The following NKAIN2 variants were observed in gnomAD, a reference collection of about 807,000 sequenced individuals.
NKAIN2 encodes the protein sodium/potassium-transporting ATPase subunit beta-1-interacting protein 2.
NKAIN2 carries 14 observed loss-of-function variants against 32.6 expected under a neutral mutation model. The ratio of observed to expected loss-of-function variants is 0.43; its 90% CI spans 0.28 to 0.67. NKAIN2 has a LOEUF of 0.67. NKAIN2 is among the 30% of genes least tolerant of loss of function. The pLI is 0.17. For missense variants in NKAIN2, 198 were observed against 258.3 expected, an observed-to-expected ratio of 0.77 and a Z score of 1.60; for synonymous variants, 80 against 87.2, an observed-to-expected ratio of 0.92 and a Z score of 0.46.
chr6:124,633,638 T>G (rs1346310476), intron 3 of NKAIN2, among the ~76,000 whole-genome samples: 3 of 152,238 alleles, frequency 2.0e-5, no homozygotes, highest in Admixed American at 6.5e-5. Context: ...TAAAACTTTA[T>G]TAGCATCTCT....
intron 1 of NKAIN2, among the ~76,000 whole-genome samples, chr6:124,174,286 C>T (rs1340769378): frequency 6.6e-6 from 1 of 152,070 alleles, no homozygotes; most frequent in Non-Finnish European, 1.5e-5. Context: ...AGAAGTTGTT[C>T]ATTCAAACTT....
At chr6:124,354,848 A>G (rs1253577775) in intron 2 of NKAIN2, among the ~76,000 whole-genome samples, 2 of 151,314 alleles carry the variant, frequency 1.3e-5, no homozygotes, top group African/African-American at 4.9e-5. Flanking sequence ...CAGTAAGAAA[A>G]AAAAAAAAAA....
chr6:124,682,623 C>G (rs1583637681), intron 4 of NKAIN2, among the ~76,000 whole-genome samples: 1 of 152,180 alleles, frequency 6.6e-6, no homozygotes, highest in East Asian at 1.9e-4. Flanking sequence ...AAGGAAAATG[C>G]TACCAATATT....
chr6:124,158,600 A>G (rs986967779), intron 1 of NKAIN2, among the ~76,000 whole-genome samples: 6 of 152,172 alleles, frequency 3.9e-5, no homozygotes, highest in Admixed American at 2.0e-4. Context: ...AAATGATGAC[A>G]TTCACTATTT....
At chr6:124,746,346 GAAAAA>G (rs1410384243) in intron 4 of NKAIN2, among the ~76,000 whole-genome samples, 1 of 151,634 alleles carries the variant, frequency 6.6e-6, no homozygotes, top group Non-Finnish European at 1.5e-5. Context: ...TCAAATATTG[GAAAAA>G]CAGACAAAAG....
chr6:124,022,310 T>C (rs1327458578), intron 1 of NKAIN2, among the ~76,000 whole-genome samples: 3 of 152,290 alleles, frequency 2.0e-5, no homozygotes, highest in African/African-American at 7.2e-5. Context: ...GACATTTGGG[T>C]TGGTTCCAAG....
chr6:124,171,795 G>A (rs1214161603), intron 1 of NKAIN2, among the ~76,000 whole-genome samples: 7 of 149,938 alleles, frequency 4.7e-5, no homozygotes, highest in South Asian at 2.1e-4. Flanking sequence ...CAGGCAATCC[G>A]CCTGCCTTGG....
intron 3 of NKAIN2, among the ~76,000 whole-genome samples, chr6:124,523,121 C>T (rs545371296): frequency 7.8e-5 from 2 of 25,754 alleles, no homozygotes; most frequent in Non-Finnish European, 5.4e-4. Context: ...CCCGCCTGGG[C>T]GACAGAGCGA....
At chr6:123,930,057 G>A (rs1390083248) in intron 1 of NKAIN2, among the ~76,000 whole-genome samples, 1 of 152,022 alleles carries the variant, frequency 6.6e-6, no homozygotes, top group East Asian at 1.9e-4. Context: ...TCTTGGTCTT[G>A]TACAATGTTG....
intron 3 of NKAIN2, among the ~76,000 whole-genome samples, chr6:124,471,966 C>A (rs1776992817): frequency 6.6e-6 from 1 of 151,492 alleles, no homozygotes; most frequent in South Asian, 2.1e-4. Flanking sequence ...TTTTAATGAG[C>A]AAATAGTTAT....
chr6:124,654,971 C>G (rs1258727523), intron 3 of NKAIN2, among the ~76,000 whole-genome samples: 1 of 152,060 alleles, frequency 6.6e-6, no homozygotes, highest in Non-Finnish European at 1.5e-5. Context: ...TATGGCAGCC[C>G]TAGCAAACTA....
At chr6:124,199,751 A>C (rs1790511813) in intron 1 of NKAIN2, among the ~76,000 whole-genome samples, 1 of 152,208 alleles carries the variant, frequency 6.6e-6, no homozygotes, top group Non-Finnish European at 1.5e-5. Flanking sequence ...ATAGGTAACA[A>C]GAAAATTAAC....
At chr6:124,374,307 T>G (rs1419875506) in intron 3 of NKAIN2, among the ~76,000 whole-genome samples, 1 of 151,316 alleles carries the variant, frequency 6.6e-6, no homozygotes, top group East Asian at 1.9e-4. Context: ...AAGAGAGTTT[T>G]GAAAAAAAAA....
At chr6:124,081,633 T>C (rs1255863127) in intron 1 of NKAIN2, among the ~76,000 whole-genome samples, 1 of 152,084 alleles carries the variant, frequency 6.6e-6, no homozygotes. Flanking sequence ...TATTAAAGTT[T>C]AGTTGAATTT....
At chr6:124,191,784 G>T (rs917090604) in intron 1 of NKAIN2, among the ~76,000 whole-genome samples, 2 of 152,120 alleles carry the variant, frequency 1.3e-5, no homozygotes, top group Non-Finnish European at 2.9e-5. Context: ...AGTTCACTAA[G>T]AATTTTTTCA....
chr6:124,096,222 G>T (rs550408701), intron 1 of NKAIN2, among the ~76,000 whole-genome samples: 17 of 152,232 alleles, frequency 1.1e-4, no homozygotes, highest in African/African-American at 4.1e-4. Flanking sequence ...TGTCATACAG[G>T]ATGATCCAAC....
At chr6:124,483,215 T>C (rs1240103436) in intron 3 of NKAIN2, among the ~76,000 whole-genome samples, 1 of 152,188 alleles carries the variant, frequency 6.6e-6, no homozygotes, top group Admixed American at 6.5e-5. Flanking sequence ...TCTATTATAA[T>C]GAATCTATCA....
At chr6:124,777,324 C>G (rs926867889) in intron 4 of NKAIN2, among the ~76,000 whole-genome samples, 2 of 152,112 alleles carry the variant, frequency 1.3e-5, no homozygotes, top group African/African-American at 2.4e-5. Flanking sequence ...GACTGGCAGA[C>G]AGTAGAGTGG....
At chr6:124,023,136 G>A (rs1780949423) in intron 1 of NKAIN2, among the ~76,000 whole-genome samples, 1 of 150,650 alleles carries the variant, frequency 6.6e-6, no homozygotes, top group African/African-American at 2.4e-5. Context: ...AAGCTTACAA[G>A]CAACCTCTAC....
Sources: gnomAD v4.1 joint callset for allele counts (sites outside exome capture counted in the v4.1 genomes callset) on GRCh38, gnomAD v4.1.1 for gene constraint, MANE v1.5 for transcripts, NCBI Gene and HGNC (gene_info 2026-07-23, HGNC 2026-07-21) for gene names.